The following RBFOX3 variants were observed in gnomAD, a reference collection of about 807,000 sequenced individuals.
RBFOX3 encodes RNA binding protein fox-1 homolog 3.
Under a neutral mutation model 48.7 loss-of-function variants are expected in RBFOX3, and 17 were observed. That is an observed-to-expected ratio of 0.35 (90% CI 0.24 to 0.52). RBFOX3 has a LOEUF of 0.52. RBFOX3 is among the 20% of genes least tolerant of loss of function. RBFOX3 has a pLI of 0.94. For missense variants in RBFOX3, 382 were observed against 497.5 expected (o/e 0.77, Z 2.21); for synonymous variants, 212 against 209.5 (o/e 1.01, Z -0.10).
Position 79,477,460 on chromosome 17 carries a change from G to A in RBFOX3, c.-175+4994C>T, listed in dbSNP as rs754206321. 3.1e-3 allele frequency among the ~76,000 whole-genome samples: 466 copies of A among 152,044 alleles called. No homozygotes were observed. The highest frequency in any genetic ancestry group is 4.9e-3 in the Non-Finnish European group (336 of 67,986). On this transcript the variant is annotated intron_variant, in intron 2 of 14. Transcript: ENST00000693108. This position sits in a 1 kb window ranked among gnomAD's most constrained non-coding sequence, Gnocchi z 4.8. ...AGTCCCAGCTACTTGGGAGGCTGAG[G>A]CAGGAGAATGGCGTGAACCCGGGAG...
At chr17:79,340,310 C>A (rs71387916) in intron 2 of RBFOX3, among the ~76,000 whole-genome samples, 21,982 of 134,134 alleles carry the variant, frequency 0.16, 2,670 homozygotes, top group Non-Finnish European at 0.25. Flanking sequence ...AAAAAAAAAA[C>A]AAAAAACAAA....
In RBFOX3 at chr17:79,392,851, T is replaced by G. The variant is rs777805153; in HGVS notation, c.-174-85027A>C. 1.3e-5 allele frequency among the ~76,000 whole-genome samples: 2 copies of G among 152,232 alleles called. No homozygotes were observed. Among genetic ancestry groups the G allele is most frequent in the Non-Finnish European group, 2.9e-5 (2 of 68,040 alleles). ...AACCTGCTGCTGCTGACTGAGACAC[T>G]GACTCCTGCAGAGCTTCTCTGAGGA... is the stretch of plus-strand genomic sequence containing the variant. On this transcript the variant is annotated intron_variant, in intron 2 of 14. Transcript: ENST00000693108. This position sits in a 1 kb window ranked among gnomAD's most constrained non-coding sequence, Gnocchi z 5.0.
chr17:79,239,834 GGTCAGAGCTGGACCCCTGTTT>G (rs756833115), intron 3 of RBFOX3, among the ~76,000 whole-genome samples: 2 of 152,260 alleles, frequency 1.3e-5, no homozygotes, highest in Non-Finnish European at 2.9e-5. Context: ...TGACTCCAGA[GGTCAGAGCTGGACCCCTGTTT>G]TGAAGCATGG....
At chr17:79,551,232 G>A (rs1401304035) in intron 1 of RBFOX3, among the ~76,000 whole-genome samples, 3 of 152,090 alleles carry the variant, frequency 2.0e-5, no homozygotes, top group Admixed American at 6.5e-5. Context: ...TGAGCAGGGC[G>A]ATTCCCCTCT....
At chr17:79,289,722 G>C (rs879586966) in intron 3 of RBFOX3, among the ~76,000 whole-genome samples, 4 of 152,238 alleles carry the variant, frequency 2.6e-5, no homozygotes, top group Non-Finnish European at 5.9e-5. Flanking sequence ...CTCTGGTTTA[G>C]AGCTTCCCCC....
At chr17:79,354,626 G>A (rs1032551711) in intron 2 of RBFOX3, among the ~76,000 whole-genome samples, 10 of 152,246 alleles carry the variant, frequency 6.6e-5, no homozygotes, top group East Asian at 1.9e-4. Flanking sequence ...GGACTGAGGC[G>A]TGGAACAGAC....
chr17:79,198,804 C>T lies in RBFOX3; in HGVS notation c.-34+36962G>A, dbSNP rs181966972. Among the ~76,000 whole-genome samples the T allele has an allele frequency of 1.2e-3, 182 of 152,102 alleles. No individual in the cohort carries two copies. The highest frequency in any genetic ancestry group is 4.1e-3 in the African/African-American group (172 of 41,500). Reference sequence around the variant, plus strand: ...CCACACCCAGCTAATTTTTTTTGTACTTTTGGTAGAGATGGCGTTTCATCA... The same window carrying T: ...CCACACCCAGCTAATTTTTTTTGTATTTTTGGTAGAGATGGCGTTTCATCA... On this transcript the variant is annotated intron_variant, in intron 4 of 14. Coordinates refer to ENST00000693108, the MANE Select transcript of RBFOX3 (RefSeq NM_001350451.2). The surrounding 1 kb of genome is among the most constrained non-coding windows in gnomAD (Gnocchi z 8.2).
At chr17:79,620,556 T>TGTGCACACCCGCGC in the RBFOX3 span, among the ~76,000 whole-genome samples, 1 of 130,412 alleles carries the variant, frequency 7.7e-6, no homozygotes, top group South Asian at 2.6e-4. Flanking sequence ...CATGCACACA[T>TGTGCACACCCGCGC]GTGCACACCC....
Position 79,103,240 on chromosome 17 carries a change from T to C in RBFOX3, c.429A>G (p.Val143=). 6.4e-7 allele frequency: 1 copy of C among 1,550,708 alleles called. No individual in the cohort carries two copies. The highest frequency in any genetic ancestry group is 1.4e-5 in the African/African-American group (1 of 72,912). ...CAGCATCTGAGCTAGTTTCAAAAGT[T>C]ACAAACCCAAAACCCTGTGAGCAGA... The part of the protein sequence containing the change: ...NERGSKGFGF[V]TFETSSDADR... Residue 143 remains valine (V), a synonymous_variant, in exon 8 of 15, where the codon GTA becomes GTG. Transcript: ENST00000693108. The surrounding 1 kb of genome is among the most constrained non-coding windows in gnomAD (Gnocchi z 6.1).
intron 1 of RBFOX3, among the ~76,000 whole-genome samples, chr17:79,564,506 G>A (rs963221785): frequency 2.0e-5 from 3 of 152,148 alleles, no homozygotes; most frequent in Non-Finnish European, 4.4e-5. Flanking sequence ...TTAGCAGAAC[G>A]GTGCTGGAGC....
chr17:79,147,446 C>T (rs2043262173), intron 4 of RBFOX3, among the ~76,000 whole-genome samples: 2 of 152,248 alleles, frequency 1.3e-5, no homozygotes, highest in South Asian at 4.1e-4. Context: ...AGCCTTCCCC[C>T]AACCCCTCCG....
chr17:79,398,695 AT>A (rs2062377349), intron 2 of RBFOX3, among the ~76,000 whole-genome samples: 2 of 152,200 alleles, frequency 1.3e-5, no homozygotes, highest in African/African-American at 4.8e-5. Flanking sequence ...AGAGAGCGGA[AT>A]TACCCTGGGA....
At position 79,199,093 on chromosome 17, in the gene RBFOX3, A is replaced by G. The variant is rs1295232152; in HGVS notation, c.-34+36673T>C. On this transcript the variant is annotated intron_variant, in intron 4 of 14. Transcript: ENST00000693108. This position sits in a 1 kb window ranked among gnomAD's most constrained non-coding sequence, Gnocchi z 5.1. ...GAGAGAGGGAGGAGACCCAGAAAACAGTGGGAAGCAAGTGGGGGCTGTCTC... is the reference window on the plus strand; with the variant it reads ...GAGAGAGGGAGGAGACCCAGAAAACGGTGGGAAGCAAGTGGGGGCTGTCTC... 3.9e-5 allele frequency among the ~76,000 whole-genome samples: 6 copies of G among 152,306 alleles called. No homozygotes were observed. In the East Asian group the frequency reaches 1.2e-3, roughly 29 times the overall value.
At chr17:79,295,456 A>T (rs1455301318) in intron 3 of RBFOX3, among the ~76,000 whole-genome samples, 3 of 152,076 alleles carry the variant, frequency 2.0e-5, no homozygotes, top group Non-Finnish European at 2.9e-5. Context: ...GGCTCTGTCC[A>T]CTTTGGGTGG....
chr17:79,634,684 T>A, the RBFOX3 span, among the ~76,000 whole-genome samples: 1 of 152,158 alleles, frequency 6.6e-6, no homozygotes, highest in East Asian at 1.9e-4. Context: ...GCACATGGGC[T>A]GTGAGTGTCT....
chr17:79,275,694 C>T (rs111971528), intron 3 of RBFOX3, among the ~76,000 whole-genome samples: 4 of 152,266 alleles, frequency 2.6e-5, no homozygotes, highest in South Asian at 2.1e-4. Context: ...GATCTGGTTA[C>T]GGTAGCTCCC....
chr17:79,409,357 G>A (rs567654524), intron 2 of RBFOX3, among the ~76,000 whole-genome samples: 3 of 152,228 alleles, frequency 2.0e-5, no homozygotes, highest in Non-Finnish European at 4.4e-5. Context: ...TTTTTGGAGT[G>A]TGTGTCTAGG....
intron 10 of RBFOX3, 67 bp from the exon 11 acceptor site, chr17:79,097,491 G>T: frequency 8.0e-7 from 1 of 1,256,612 alleles, no homozygotes. Context: ...CCCCCTCCCC[G>T]TACACCTAGC....
At chr17:79,599,130 G>C (rs1798400985) in intron 1 of RBFOX3, 1 of 152,230 alleles carries the variant, frequency 6.6e-6, no homozygotes, top group Non-Finnish European at 1.5e-5. Flanking sequence ...TTCATCCCAA[G>C]ACACCCACGG....
Sources: gnomAD v4.1 joint callset for allele counts (sites outside exome capture counted in the v4.1 genomes callset) on GRCh38, gnomAD v4.1.1 for gene constraint, Gnocchi (gnomAD v3.1) non-coding constraint, MANE v1.5 for transcripts, NCBI Gene and HGNC (gene_info 2026-07-23, HGNC 2026-07-21) for gene names.